ERRFI1: variants seen among roughly 807,000 people sequenced by gnomAD.
ERRFI1 encodes the protein mitogen-inducible gene 6 protein.
Under a neutral mutation model 14.6 loss-of-function variants are expected in ERRFI1, and 12 were observed. The ratio of observed to expected loss-of-function variants is 0.82; its 90% CI spans 0.53 to 1.33. ERRFI1 has a LOEUF of 1.33. Ranked by LOEUF, ERRFI1 falls within the 40% of genes most tolerant of loss-of-function variation. ERRFI1 has a pLI of 0.00. For missense variants in ERRFI1, 482 were observed against 572.1 expected, an observed-to-expected ratio of 0.84 and a Z score of 1.61; for synonymous variants, 202 against 209.9, an observed-to-expected ratio of 0.96 and a Z score of 0.32.
chr1:8,014,464 AC>A, intron 3 of ERRFI1, 68 bp from the exon 4 acceptor site: 1 of 1,401,918 alleles, frequency 7.1e-7, no homozygotes, highest in Non-Finnish European at 9.6e-7. Flanking sequence ...GGGAGAGAGC[AC>A]CCCAGCTACC....
chr1:8,020,996 T>C (rs950404518), intron 1 of ERRFI1, among the ~76,000 whole-genome samples: 1 of 152,236 alleles, frequency 6.6e-6, no homozygotes, highest in East Asian at 1.9e-4. Context: ...AATAATGCCA[T>C]GTTTTAATGT....
intron 1 of ERRFI1, among the ~76,000 whole-genome samples, chr1:8,018,254 T>C (rs1641213247): frequency 6.6e-6 from 1 of 151,332 alleles, no homozygotes; most frequent in South Asian, 2.1e-4. Flanking sequence ...TGCTATAGGT[T>C]TGGAAGGAAG....
At chr1:8,019,755 T>G (rs1365299918) in intron 1 of ERRFI1, among the ~76,000 whole-genome samples, 2 of 152,146 alleles carry the variant, frequency 1.3e-5, no homozygotes, top group Non-Finnish European at 2.9e-5. Context: ...AGGAAGGAAT[T>G]TTTATGAAAT....
At chr1:8,019,059 C>T (rs1296933282) in intron 1 of ERRFI1, among the ~76,000 whole-genome samples, 1 of 152,156 alleles carries the variant, frequency 6.6e-6, no homozygotes, top group Admixed American at 6.5e-5. Context: ...AACCTGAGGC[C>T]ATGTACATTC....
intron 1 of ERRFI1, among the ~76,000 whole-genome samples, chr1:8,024,534 G>A (rs1474118708): frequency 1.3e-5 from 2 of 152,212 alleles, no homozygotes; most frequent in Admixed American, 6.5e-5. Context: ...ACAAGGCAGA[G>A]TGCCTACCCT....
At chr1:8,019,559 T>C (rs1641247817) in intron 1 of ERRFI1, among the ~76,000 whole-genome samples, 1 of 152,198 alleles carries the variant, frequency 6.6e-6, no homozygotes, top group African/African-American at 2.4e-5. Context: ...TCATGTCTAT[T>C]ATTTATTAAA....
At chr1:8,019,434 T>C (rs442862) in intron 1 of ERRFI1, among the ~76,000 whole-genome samples, 100,576 of 152,076 alleles carry the variant, frequency 0.66, 34,511 homozygotes, top group African/African-American at 0.85. Flanking sequence ...GGAGCAGCGG[T>C]GCTCTGTTCT....
chr1:8,024,862 C>A (rs137883417), intron 1 of ERRFI1, among the ~76,000 whole-genome samples: 80 of 152,160 alleles, frequency 5.3e-4, no homozygotes, highest in African/African-American at 1.7e-3. Flanking sequence ...TGTCTTTGGT[C>A]TCTGTTCAAA....
intron 1 of ERRFI1, among the ~76,000 whole-genome samples, chr1:8,025,723 G>C (rs1217985129): frequency 6.6e-6 from 1 of 151,838 alleles, no homozygotes; most frequent in Non-Finnish European, 1.5e-5. Context: ...GCAACCCCGC[G>C]AGCGCAGGCT....
In ERRFI1 at chr1:8,012,604, T is replaced by C. The variant is rs1274367222; in HGVS notation, c.*606A>G. 1 of 227,156 alleles carries C rather than the reference T, an allele frequency of 4.4e-6. No homozygotes were observed. The highest frequency in any genetic ancestry group is 8.7e-6 in the Non-Finnish European group (1 of 114,322). 14.1% of individuals were successfully genotyped at this position (227,156 alleles called of 1,614,324 possible). On this transcript the variant is annotated 3_prime_UTR_variant, in exon 4 of 4. Transcript: ENST00000377482. ...ACATGAAACCTGGAAGTATGAGGCC[T>C]TGGTATGATTTTTAACCTAAGCAGG...
At chr1:8,017,196 A>G (rs1049601287) in intron 1 of ERRFI1, among the ~76,000 whole-genome samples, 2 of 151,942 alleles carry the variant, frequency 1.3e-5, no homozygotes, top group South Asian at 4.2e-4. Context: ...GTTTATTATT[A>G]TTTTCCCATT....
In ERRFI1 at chr1:8,015,615, G is replaced by C. The variant is rs1185940749; in HGVS notation, c.5C>G (p.Ser2Ter). 6.2e-7 allele frequency: 1 copy of C among 1,614,050 alleles called. No individual in the cohort carries two copies. The highest frequency in any genetic ancestry group is 2.2e-5 in the East Asian group (1 of 44,880). Residue 2 changes from serine (S) to a stop codon, truncating the protein, a stop_gained, in exon 2 of 4, where the codon TCA becomes TGA. Transcript: ENST00000377482. LOFTEE classifies it high-confidence loss of function. ...CTCCTGAGCAGCAACTCCTGCTATT[G>C]ACATTGTGCCTTATTCTGGGACATC... The part of the protein sequence containing the change: M[S>*]IAGVAAQEIR...
rs1641134475 is a variant in ERRFI1 at position 8,014,063 on chromosome 1, G to A, written c.536C>T (p.Thr179Ile). 1 of 1,614,050 alleles carries A rather than the reference G, an allele frequency of 6.2e-7. No individual in the cohort carries two copies. Among genetic ancestry groups the A allele is most frequent in the African/African-American group, 1.3e-5 (1 of 74,906 alleles). Residue 179 changes from threonine to isoleucine, a missense_variant, in exon 4 of 4, where the codon ACA (threonine) becomes ATA (isoleucine). Coordinates refer to ENST00000377482, the MANE Select transcript of ERRFI1 (RefSeq NM_018948.4). ...TGTAGAGTCTTCTAAAAGGAAGTCT[G>A]TATCTGAGCTAGTTAGGAATTCCAC... is the stretch of plus-strand genomic sequence containing the variant. Reference protein sequence around the residue: ...CEVEFLTSSDTDFLLEDSTLS... With the variant: ...CEVEFLTSSDIDFLLEDSTLS...
intron 1 of ERRFI1, among the ~76,000 whole-genome samples, chr1:8,018,622 C>G (rs902330397): frequency 6.6e-6 from 1 of 152,134 alleles, no homozygotes; most frequent in Non-Finnish European, 1.5e-5. Flanking sequence ...ATGGTTTAGA[C>G]GGGGACCCAA....
intron 1 of ERRFI1, among the ~76,000 whole-genome samples, chr1:8,021,717 G>A (rs552488306): frequency 6.6e-6 from 1 of 152,290 alleles, no homozygotes; most frequent in East Asian, 1.9e-4. Flanking sequence ...AGTGCTTTAT[G>A]TGTATGAACT....
intron 1 of ERRFI1, among the ~76,000 whole-genome samples, chr1:8,018,122 C>G (rs1171122500): frequency 1.3e-5 from 2 of 151,946 alleles, no homozygotes; most frequent in Non-Finnish European, 1.5e-5. Flanking sequence ...TGTGAATGGG[C>G]CATGTTATGA....
rs1413254273 is a variant in ERRFI1 at position 8,018,377 on chromosome 1, G to A, written c.-73-2685C>T. On this transcript the variant is annotated intron_variant, in intron 1 of 3. Coordinates refer to ENST00000377482, the MANE Select transcript of ERRFI1 (RefSeq NM_018948.4). Reference sequence around the variant, plus strand: ...AGCACAAATGGAAGCGGGGGGCGGGGGGGGGGGGGGCGCGGAGTAAATAAA... The same window carrying A: ...AGCACAAATGGAAGCGGGGGGCGGGAGGGGGGGGGGCGCGGAGTAAATAAA... Among the ~76,000 whole-genome samples the A allele has an allele frequency of 1.0e-3, 82 of 78,120 alleles. 1 individual carries two copies. The highest frequency in any genetic ancestry group is 1.3e-3 in the Non-Finnish European group (52 of 40,516). 51.2% of individuals were successfully genotyped at this position (78,120 alleles called of 152,430 possible).
In ERRFI1 at chr1:8,014,079, G is replaced by A. The variant is rs568354896; in HGVS notation, c.520C>T (p.Leu174=). ...AGGAAGTCTGTATCTGAGCTAGTTA[G>A]GAATTCCACCTCACAGTCTGTGTCA... is the stretch of plus-strand genomic sequence containing the variant. ...LDDTDCEVEF[L]TSSDTDFLLE... The change falls in exon 4 of 4, where the codon CTA becomes TTA. Residue 174 remains leucine (L), a synonymous_variant. Coordinates refer to ENST00000377482, the MANE Select transcript of ERRFI1 (RefSeq NM_018948.4). 1 of 1,614,164 alleles carries A rather than the reference G, an allele frequency of 6.2e-7. No individual in the cohort carries two copies. Among genetic ancestry groups the A allele is most frequent in the South Asian group, 1.1e-5 (1 of 91,078 alleles).
At chr1:8,019,607 T>TA (rs1641248417) in intron 1 of ERRFI1, among the ~76,000 whole-genome samples, 1 of 152,202 alleles carries the variant, frequency 6.6e-6, no homozygotes, top group African/African-American at 2.4e-5. Context: ...TTTTAAAAAG[T>TA]AATGACATGA....
Sources: allele counts gnomAD v4.1 joint callset (sites outside exome capture counted in the v4.1 genomes callset), GRCh38; gene constraint gnomAD v4.1.1; transcripts MANE v1.5; gene names NCBI Gene and HGNC (gene_info 2026-07-23, HGNC 2026-07-21).